The following TBL1Y variants were observed in gnomAD, a reference collection of about 807,000 sequenced individuals.
The protein encoded by TBL1Y is F-box-like/WD repeat-containing protein TBL1Y.
A neutral mutation model predicts 12.0 loss-of-function variants in TBL1Y; 15 were observed. The ratio of observed to expected loss-of-function variants is 1.25; its 90% confidence interval spans 0.83 to 1.92. The LOEUF (loss-of-function observed/expected upper bound fraction) is 1.92. Ranked by LOEUF, TBL1Y falls within the 40% of genes most tolerant of loss-of-function variation. TBL1Y has a pLI of 0.00. For synonymous variants in TBL1Y, 53 were observed against 42.6 expected (o/e 1.24, Z -0.95); for missense variants, 148 against 116.7 (o/e 1.27, Z -1.24).
intron 4 of TBL1Y, among the ~76,000 whole-genome samples, chrY:7,008,659 C>T (rs2012501220): frequency 6.1e-5 from 2 of 32,557 alleles, no homozygotes; most frequent in Admixed American, 2.8e-4. Context: ...TTTTCTGTTT[C>T]GAGATTTGGT....
At chrY:7,020,540 A>G (rs2012577057) in intron 4 of TBL1Y, among the ~76,000 whole-genome samples, 1 of 33,199 alleles carries the variant, frequency 3.0e-5, no homozygotes, top group Non-Finnish European at 7.4e-5. Flanking sequence ...AGAAAGTGTC[A>G]CTGCACTCCA....
chrY:7,032,700 G>A (rs2012662871), intron 6 of TBL1Y, among the ~76,000 whole-genome samples: 1 of 33,538 alleles, frequency 3.0e-5, no homozygotes, highest in Non-Finnish European at 7.4e-5. Flanking sequence ...TCTGTGCCAC[G>A]GAGCACTGCT....
intron 7 of TBL1Y, among the ~76,000 whole-genome samples, chrY:7,047,050 A>G (rs2012762504): frequency 6.0e-5 from 2 of 33,514 alleles, no homozygotes; most frequent in Admixed American, 5.5e-4. Context: ...ACAGGTGTGC[A>G]GTTCCAAGAG....
intron 7 of TBL1Y, among the ~76,000 whole-genome samples, chrY:7,062,297 C>T (rs778066645): frequency 2.7e-4 from 9 of 33,860 alleles, no homozygotes; most frequent in African/African-American, 1.0e-3. Context: ...CAACAAAGGG[C>T]GTAGCCTACT....
chrY:7,011,382 CTAACTT>C (rs2012518934), intron 4 of TBL1Y, among the ~76,000 whole-genome samples: 1 of 34,661 alleles, frequency 2.9e-5, no homozygotes, highest in Non-Finnish European at 7.3e-5. Flanking sequence ...CATTACTTCT[CTAACTT>C]TAATAGCAAC....
At chrY:7,070,092 T>C (rs2013012374) in intron 8 of TBL1Y, 104 bp from the exon 9 acceptor site, 2 of 234,747 alleles carry the variant, frequency 8.5e-6, no homozygotes, top group East Asian at 2.0e-4. Flanking sequence ...GAGGTAGTGT[T>C]ACTTAGTACG....
intron 3 of TBL1Y, among the ~76,000 whole-genome samples, chrY:6,995,234 G>A: frequency 3.0e-5 from 1 of 32,994 alleles, no homozygotes; most frequent in South Asian, 7.2e-4. Context: ...AGGTTCTGAG[G>A]TGCTGCAGAT....
At chrY:7,005,477 C>A in intron 4 of TBL1Y, among the ~76,000 whole-genome samples, 1 of 33,049 alleles carries the variant, frequency 3.0e-5, no homozygotes, top group Non-Finnish European at 7.4e-5. Context: ...TGAGTACATG[C>A]ATCAAGCTGT....
In TBL1Y at chrY:7,086,461, C is replaced by A. The variant is rs955847947; in HGVS notation, c.1280+44C>A. ...ACTGGTACAGCTCCGCCCTACACAACGATAACAAGAAATTTTGCTCAAGTG... is the reference window on the plus strand; with the variant it reads ...ACTGGTACAGCTCCGCCCTACACAAAGATAACAAGAAATTTTGCTCAAGTG... On this transcript the variant is annotated intron_variant, in intron 16 of 18. Transcript: ENST00000383032. The A allele has an allele frequency of 2.5e-5, 9 of 357,936 alleles. No homozygotes were observed. In the Admixed American group the frequency reaches 7.8e-4, roughly 31 times the overall value. 89.3% of individuals were successfully genotyped at this position (357,936 alleles called of 400,897 possible).
At chrY:7,054,165 GA>G (rs2012813755) in intron 7 of TBL1Y, among the ~76,000 whole-genome samples, 1 of 33,847 alleles carries the variant, frequency 3.0e-5, no homozygotes, top group Non-Finnish European at 7.4e-5. Context: ...GCATATTGAA[GA>G]AAAAAATTGG....
intron 6 of TBL1Y, among the ~76,000 whole-genome samples, chrY:7,029,274 TTTTGTTTG>T (rs1158773075): frequency 3.1e-5 from 1 of 32,637 alleles, no homozygotes; most frequent in African/African-American, 1.2e-4. Flanking sequence ...TGAAAAGATT[TTTTGTTTG>T]TTTGTTTTGT....
chrY:7,080,289 T>C (rs1603050974), intron 13 of TBL1Y, among the ~76,000 whole-genome samples: 1 of 32,068 alleles, frequency 3.1e-5, no homozygotes, highest in East Asian at 8.3e-4. Flanking sequence ...TTGGCCAGGA[T>C]GGTCTTGATC....
At position 6,963,486 on chromosome Y, in the gene TBL1Y, A is replaced by G. The variant is rs930787885; in HGVS notation, c.-265-14727A>G. On this transcript the variant is annotated intron_variant, in intron 2 of 18. Coordinates refer to ENST00000383032, the MANE Select transcript of TBL1Y (RefSeq NM_033284.2). ...GTAACTGAGCAATTCTATCACCTGG[A>G]TTGGCACTCCAGGGAACAGTAGAGC... Among the ~76,000 whole-genome samples, 7 of 33,056 alleles carry G rather than the reference A, an allele frequency of 2.1e-4. No individual in the cohort carries two copies. The South Asian group carries it at 4.8e-3, about 23-fold the overall frequency. 88.7% of individuals were successfully genotyped at this position (33,056 alleles called of 37,273 possible).
intron 6 of TBL1Y, among the ~76,000 whole-genome samples, chrY:7,040,094 A>G (rs1048020983): frequency 8.7e-5 from 3 of 34,437 alleles, no homozygotes; most frequent in Admixed American, 2.6e-4. Context: ...TTCTGATAAC[A>G]GTACGTCCCC....
At chrY:6,914,507 T>C (rs2011720664) in intron 2 of TBL1Y, among the ~76,000 whole-genome samples, 1 of 30,703 alleles carries the variant, frequency 3.3e-5, no homozygotes, top group African/African-American at 1.3e-4. Flanking sequence ...CTGGGCAACA[T>C]GGTGAAAACA....
chrY:6,938,678 C>T, intron 2 of TBL1Y, among the ~76,000 whole-genome samples: 1 of 33,832 alleles, frequency 3.0e-5, no homozygotes, highest in African/African-American at 1.2e-4. Context: ...TTCTTGGTCT[C>T]GCTGACTTCA....
intron 4 of TBL1Y, among the ~76,000 whole-genome samples, chrY:7,009,464 A>G (rs2012504198): frequency 3.0e-5 from 1 of 33,191 alleles, no homozygotes; most frequent in Non-Finnish European, 7.4e-5. Context: ...ACTGAATTCT[A>G]TAGGTAAAAA....
chrY:7,034,832 C>T, intron 6 of TBL1Y, among the ~76,000 whole-genome samples: 3 of 33,803 alleles, frequency 8.9e-5, no homozygotes, highest in Admixed American at 8.2e-4. Flanking sequence ...GGATTAAAGA[C>T]TTAAACGTAA....
At chrY:6,994,300 C>G in intron 3 of TBL1Y, among the ~76,000 whole-genome samples, 6 of 33,671 alleles carry the variant, frequency 1.8e-4, no homozygotes, top group Admixed American at 1.6e-3. Context: ...GAATGGCTGG[C>G]TCTCGGATTC....
Sources: gnomAD v4.1 joint callset for allele counts (sites outside exome capture counted in the v4.1 genomes callset) on GRCh38, gnomAD v4.1.1 for gene constraint, MANE v1.5 for transcripts, NCBI Gene and HGNC (gene_info 2026-07-23, HGNC 2026-07-21) for gene names.